The following TBC1D12 variants were observed in gnomAD, a reference collection of about 807,000 sequenced individuals.
The protein encoded by TBC1D12 is TBC1 domain family member 12, also known as TBC1 domain family, member 12.
A neutral mutation model predicts 86.7 loss-of-function variants in TBC1D12; 56 were observed. That is an observed-to-expected ratio of 0.65 (90% confidence interval 0.52 to 0.81). The LOEUF is 0.81. TBC1D12 is among the 30% of genes least tolerant of loss of function. TBC1D12 has a pLI of 0.00. For missense variants in TBC1D12, 1,023 were observed against 1,038.8 expected (o/e 0.98, Z 0.21); for synonymous variants, 421 against 411.7 (o/e 1.02, Z -0.27).
intron 2 of TBC1D12, among the ~76,000 whole-genome samples, chr10:94,470,121 G>T (rs1214583293): frequency 6.6e-6 from 1 of 152,090 alleles, no homozygotes; most frequent in East Asian, 1.9e-4. Flanking sequence ...TTCAAATCAC[G>T]TGGAGGAGGG....
At chr10:94,424,892 G>T (rs988739279) in intron 1 of TBC1D12, among the ~76,000 whole-genome samples, 1 of 152,276 alleles carries the variant, frequency 6.6e-6, no homozygotes, top group Middle Eastern at 3.4e-3. Flanking sequence ...CACAATTCAC[G>T]CAGGGTTTGG....
At chr10:94,433,609 A>AC (rs2055249665) in intron 1 of TBC1D12, among the ~76,000 whole-genome samples, 2 of 152,350 alleles carry the variant, frequency 1.3e-5, no homozygotes, top group South Asian at 4.1e-4. Context: ...AGCTATAGAG[A>AC]CATAAATACC....
At chr10:94,493,719 G>C in intron 4 of TBC1D12, among the ~76,000 whole-genome samples, 1 of 151,862 alleles carries the variant, frequency 6.6e-6, no homozygotes, top group East Asian at 1.9e-4. Flanking sequence ...TGCTTGGCTA[G>C]TTTTTTGTAT....
At chr10:94,455,030 T>C (rs530783001) in intron 2 of TBC1D12, among the ~76,000 whole-genome samples, 5 of 152,320 alleles carry the variant, frequency 3.3e-5, no homozygotes, top group Non-Finnish European at 7.3e-5. Flanking sequence ...GTAGATGTTC[T>C]TTATCAAGTT....
chr10:94,463,006 TTTTTAATGTA>T (rs1472970440), intron 2 of TBC1D12, among the ~76,000 whole-genome samples: 1 of 152,232 alleles, frequency 6.6e-6, no homozygotes, highest in Non-Finnish European at 1.5e-5. Context: ...ACCTTTTATC[TTTTTAATGTA>T]TTTTAAGCTA....
At chr10:94,427,833 CAAAAAAAAA>C (rs71031576) in intron 1 of TBC1D12, among the ~76,000 whole-genome samples, 1 of 67,048 alleles carries the variant, frequency 1.5e-5, no homozygotes, top group Non-Finnish European at 2.6e-5. Context: ...CCCTGTCTCA[CAAAAAAAAA>C]AAAAAAAAAA....
At chr10:94,484,651 G>T (rs891865156) in intron 3 of TBC1D12, among the ~76,000 whole-genome samples, 6 of 152,146 alleles carry the variant, frequency 3.9e-5, no homozygotes, top group African/African-American at 1.4e-4. Context: ...TTGGTATTTT[G>T]ATAGGGTTTG....
chr10:94,422,846 A>G (rs2055094068), intron 1 of TBC1D12, among the ~76,000 whole-genome samples: 2 of 152,168 alleles, frequency 1.3e-5, no homozygotes, highest in South Asian at 4.1e-4. Flanking sequence ...TGTTGGGATT[A>G]CAGGTGTGAG....
chr10:94,413,726 T>C (rs2054958241), intron 1 of TBC1D12, among the ~76,000 whole-genome samples: 1 of 152,136 alleles, frequency 6.6e-6, no homozygotes, highest in African/African-American at 2.4e-5. Flanking sequence ...ATCTTTGAAT[T>C]TGGCTTTTCA....
At chr10:94,450,203 A>G (rs904235588) in intron 2 of TBC1D12, among the ~76,000 whole-genome samples, 2 of 152,086 alleles carry the variant, frequency 1.3e-5, no homozygotes, top group Non-Finnish European at 1.5e-5. Flanking sequence ...CTAGCCTTTG[A>G]GTTATTTCAG....
chr10:94,465,670 A>ATATATG lies in TBC1D12; in HGVS notation c.1096-8997_1096-8996insATATGT, dbSNP rs1473804309. Among the ~76,000 whole-genome samples the ATATATG allele has an allele frequency of 4.3e-3, 599 of 137,940 alleles. 5 individuals carry two copies. The highest frequency in any genetic ancestry group is 0.015 in the African/African-American group (557 of 36,788). The allele number at this position is 137,940 out of a possible 152,430, so 90.5% of individuals were successfully genotyped here. A position where few individuals can be genotyped will look rare whatever the true frequency, so the allele number is the denominator to read the frequency against. Reference sequence around the variant, plus strand: ...TAAAAAAAAAAATATATATATATATATGTGTGTGTGTGTGTGTGTGTGTGT... The same window carrying ATATATG: ...TAAAAAAAAAAATATATATATATATATATATGTGTGTGTGTGTGTGTGTGTGTGTGT... On this transcript the variant is annotated intron_variant, in intron 2 of 12. Coordinates refer to ENST00000225235, the MANE Select transcript of TBC1D12 (RefSeq NM_015188.2).
intron 3 of TBC1D12, among the ~76,000 whole-genome samples, chr10:94,492,006 T>C (rs2056251570): frequency 6.6e-6 from 1 of 152,218 alleles, no homozygotes; most frequent in South Asian, 2.1e-4. Context: ...AAGAAATTTA[T>C]GCTAGTGTTA....
chr10:94,440,955 T>G (rs776026484), intron 1 of TBC1D12, among the ~76,000 whole-genome samples: 20 of 152,208 alleles, frequency 1.3e-4, no homozygotes, highest in African/African-American at 2.4e-4. Flanking sequence ...GTTCAAGCGA[T>G]TCTCCTGCCT....
intron 3 of TBC1D12, among the ~76,000 whole-genome samples, chr10:94,476,108 G>T (rs375749793): frequency 5.3e-4 from 80 of 151,878 alleles, no homozygotes; most frequent in African/African-American, 1.9e-3. Flanking sequence ...CCTGGCTAAA[G>T]AATTCTTTCT....
At chr10:94,525,430 G>A (rs1050571810) in intron 11 of TBC1D12, among the ~76,000 whole-genome samples, 1 of 152,006 alleles carries the variant, frequency 6.6e-6, no homozygotes, top group Non-Finnish European at 1.5e-5. Context: ...TGGCCAACAT[G>A]GTGAAACCCT....
intron 3 of TBC1D12, among the ~76,000 whole-genome samples, chr10:94,487,699 T>C (rs1211797462): frequency 1.5e-4 from 22 of 146,680 alleles, no homozygotes; most frequent in Non-Finnish European, 2.4e-4. Flanking sequence ...TTTCTCTTTT[T>C]TTTTTTTTTT....
intron 1 of TBC1D12, 36 bp from the exon 2 acceptor site, chr10:94,441,860 A>C: frequency 8.1e-6 from 13 of 1,595,926 alleles, no homozygotes; most frequent in Non-Finnish European, 1.1e-5. Flanking sequence ...CTCTGGTTAC[A>C]AAAAACACAA....
At chr10:94,434,423 T>C (rs534341516) in intron 1 of TBC1D12, among the ~76,000 whole-genome samples, 2 of 151,808 alleles carry the variant, frequency 1.3e-5, no homozygotes, top group South Asian at 2.1e-4. Context: ...GGAGAATTGC[T>C]TGAACCCGGG....
intron 2 of TBC1D12, among the ~76,000 whole-genome samples, chr10:94,451,228 A>G (rs113811683): frequency 4.6e-5 from 7 of 152,210 alleles, no homozygotes; most frequent in Non-Finnish European, 8.8e-5. Flanking sequence ...GATGATGGCT[A>G]TGGTAATTAC....
Sources: allele counts gnomAD v4.1 joint callset (sites outside exome capture counted in the v4.1 genomes callset), GRCh38; gene constraint gnomAD v4.1.1; transcripts MANE v1.5; gene names NCBI Gene and HGNC (gene_info 2026-07-23, HGNC 2026-07-21).